Variants in LAMA1 observed in about 807,000 individuals in gnomAD.
The protein encoded by LAMA1 is laminin subunit alpha 1, also known as laminin subunit alpha-1.
In LAMA1, 219 loss-of-function variants were observed where a neutral mutation model predicts 348.7. The observed-to-expected ratio is 0.63, with a 90% CI of 0.56 to 0.70. The LOEUF (loss-of-function observed/expected upper bound fraction) is 0.70, where lower values mean the gene tolerates loss of function less well. LAMA1 is among the 30% of genes least tolerant of loss of function. The pLI, the probability that LAMA1 is intolerant of heterozygous loss-of-function variation, is 0.00. For missense variants in LAMA1, 3,744 were observed against 3,888.0 expected, an observed-to-expected ratio of 0.96 and a Z score of 0.99; for synonymous variants, 1,487 against 1,491.0, an observed-to-expected ratio of 1.00 and a Z score of 0.06.
intron 1 of LAMA1, among the ~76,000 whole-genome samples, chr18:7,103,547 C>CT (rs1680868025): frequency 6.6e-6 from 1 of 152,082 alleles, no homozygotes; most frequent in South Asian, 2.1e-4. Context: ...TGGCTCACGC[C>CT]TGTAATCCTA....
At chr18:7,098,864 C>G (rs1403879141) in intron 1 of LAMA1, among the ~76,000 whole-genome samples, 1 of 137,336 alleles carries the variant, frequency 7.3e-6, no homozygotes, top group Admixed American at 7.3e-5. Flanking sequence ...GCCCCCCGCC[C>G]GGCCAGCCGC....
At chr18:7,068,149 G>A (rs900947829) in intron 3 of LAMA1, among the ~76,000 whole-genome samples, 5 of 152,158 alleles carry the variant, frequency 3.3e-5, no homozygotes, top group Non-Finnish European at 7.3e-5. Flanking sequence ...CACCGCGCCC[G>A]GCCTGCATTG....
intron 3 of LAMA1, among the ~76,000 whole-genome samples, chr18:7,051,551 TA>T (rs1239238051): frequency 1.3e-5 from 2 of 152,260 alleles, no homozygotes; most frequent in African/African-American, 4.8e-5. Flanking sequence ...CACAAATAAA[TA>T]TGTAGTATTA....
At chr18:6,954,114 GA>G (rs996056988) in intron 57 of LAMA1, 1 of 152,230 alleles carries the variant, frequency 6.6e-6, no homozygotes, top group African/African-American at 2.4e-5. Context: ...TAGTCATGGA[GA>G]ATAAAAACCA....
chr18:7,055,828 T>C (rs1452480287), intron 3 of LAMA1, among the ~76,000 whole-genome samples: 2 of 152,068 alleles, frequency 1.3e-5, no homozygotes, highest in Non-Finnish European at 2.9e-5. Context: ...GCACCTGTAA[T>C]CCCAGCATTT....
chr18:7,056,867 G>T (rs796406179), intron 3 of LAMA1, among the ~76,000 whole-genome samples: 22 of 149,716 alleles, frequency 1.5e-4, no homozygotes, highest in African/African-American at 4.1e-4. Flanking sequence ...GATTGTTAAC[G>T]CTTTGAATTT....
chr18:6,983,043 C>G, intron 40 of LAMA1, 56 bp downstream of exon 40: 1 of 1,613,086 alleles, frequency 6.2e-7, no homozygotes, highest in Non-Finnish European at 8.5e-7. Flanking sequence ...CTGCTCAAAC[C>G]CGGTACAGAA....
At chr18:7,103,383 T>C (rs1436352691) in intron 1 of LAMA1, among the ~76,000 whole-genome samples, 2 of 151,832 alleles carry the variant, frequency 1.3e-5, no homozygotes, top group Non-Finnish European at 2.9e-5. Flanking sequence ...CCAGCCTGGG[T>C]GACAGAGCGA....
chr18:7,001,281 A>G (rs564389055), intron 30 of LAMA1, among the ~76,000 whole-genome samples: 12 of 151,278 alleles, frequency 7.9e-5, no homozygotes, highest in Non-Finnish European at 1.6e-4. Flanking sequence ...AACACAATGT[A>G]TATAATCAAT....
At chr18:6,978,491 T>C in intron 42 of LAMA1, 113 bp from the exon 43 acceptor site, 1 of 1,020,144 alleles carries the variant, frequency 9.8e-7, no homozygotes, top group South Asian at 1.4e-5. Flanking sequence ...ATATTACTGA[T>C]GCTGAACACA....
At position 7,036,072 on chromosome 18, in the gene LAMA1, C is replaced by A. The variant is rs144395202; in HGVS notation, c.1754G>T (p.Gly585Val). 6 of 1,613,938 alleles carry A rather than the reference C, an allele frequency of 3.7e-6. No homozygotes were observed. The South Asian group carries it at 5.5e-5, about 15-fold the overall frequency. ...YLGNKLTAFG[G>V]FLKYTVSYDI... The stretch of plus-strand genomic sequence containing the variant: ...GTAGGACACCGTGTATTTCAGGAAT[C>A]CGCCAAACGCAGTCAGCTGAAATGT... The change falls in exon 13 of 63, where the codon GGA (glycine) becomes GTA (valine). Residue 585 changes from glycine (G) to valine (V), a missense_variant. Around this residue, in one of 3 missense-constraint regions of LAMA1, gnomAD observed 1,529 missense variants for 1,689.4 expected, o/e 0.91. Coordinates refer to ENST00000389658, the MANE Select transcript of LAMA1 (RefSeq NM_005559.4).
chr18:6,947,439 G>T, intron 60 of LAMA1, 143 bp from the exon 61 acceptor site: 1 of 911,128 alleles, frequency 1.1e-6, no homozygotes, highest in Non-Finnish European at 1.7e-6. Flanking sequence ...GGTCACTCCT[G>T]CCCTCTGAGC....
intron 3 of LAMA1, among the ~76,000 whole-genome samples, chr18:7,052,627 T>C (rs533306207): frequency 6.6e-6 from 1 of 152,250 alleles, no homozygotes; most frequent in Middle Eastern, 3.4e-3. Context: ...CTTTTGAGGC[T>C]GAGGCAGGAG....
intron 61 of LAMA1, among the ~76,000 whole-genome samples, chr18:6,946,524 C>T (rs1256333938): frequency 6.6e-6 from 1 of 152,048 alleles, no homozygotes; most frequent in Non-Finnish European, 1.5e-5. Flanking sequence ...TCGAGAACAG[C>T]CTGACCAACA....
At chr18:7,055,181 T>C (rs1221587484) in intron 3 of LAMA1, among the ~76,000 whole-genome samples, 1 of 151,640 alleles carries the variant, frequency 6.6e-6, no homozygotes, top group Non-Finnish European at 1.5e-5. Context: ...CCAGGAGCGG[T>C]GGCTCATGCC....
In LAMA1 at chr18:7,098,426, T is replaced by C. The variant is rs59638129; in HGVS notation, c.62-17969A>G. Among the ~76,000 whole-genome samples, 258 of 141,046 alleles carry C rather than the reference T, an allele frequency of 1.8e-3. 1 individual carries two copies. The highest frequency in any genetic ancestry group is 6.7e-3 in the African/African-American group (245 of 36,840). 92.5% of individuals were successfully genotyped at this position (141,046 alleles called of 152,430 possible). ...GAGGAGCACCTCTTCCCGGCCGCCA[T>C]CACATCTAGGAAGTGAGGAGCGTCC... On this transcript the variant is annotated intron_variant, in intron 1 of 62. Coordinates refer to ENST00000389658, the MANE Select transcript of LAMA1 (RefSeq NM_005559.4).
At chr18:6,962,484 C>T (rs902351820) in intron 51 of LAMA1, among the ~76,000 whole-genome samples, 31 of 152,214 alleles carry the variant, frequency 2.0e-4, no homozygotes, top group South Asian at 1.5e-3. Flanking sequence ...TGTTACTCTG[C>T]AGAAATGTCT....
Position 7,080,300 on chromosome 18 carries a change from G to A in LAMA1, c.219C>T (p.Ser73=), listed in dbSNP as rs576482352. 29 of 1,614,200 alleles carry A rather than the reference G, an allele frequency of 1.8e-5. No homozygotes were observed. Among genetic ancestry groups the A allele is most frequent in the African/African-American group, 1.3e-4 (10 of 75,044 alleles). ...NPQCRICDGN[S]ANPRERHPIS... The stretch of plus-strand genomic sequence containing the variant: ...CGCGACACTTGCCTCTGGGGTTTGC[G>A]CTGTTGCCATCACAGATCCGGCACT... Residue 73 remains serine (S), a synonymous_variant, in exon 2 of 63, where the codon AGC becomes AGT. Coordinates refer to ENST00000389658, the MANE Select transcript of LAMA1 (RefSeq NM_005559.4).
chr18:7,020,205 T>C (rs622075), intron 19 of LAMA1, among the ~76,000 whole-genome samples: 52,608 of 151,890 alleles, frequency 0.35, 10,100 homozygotes, highest in African/African-American at 0.51. Flanking sequence ...TCTCCCTCAG[T>C]GCTCTACTCT....
Sources: gnomAD v4.1 joint callset for allele counts (sites outside exome capture counted in the v4.1 genomes callset) on GRCh38, gnomAD v4.1.1 for gene constraint, gnomAD v4.1.1 regional missense constraint, MANE v1.5 for transcripts, NCBI Gene and HGNC (gene_info 2026-07-23, HGNC 2026-07-21) for gene names.